COL6A6: variants seen among roughly 807,000 people sequenced by gnomAD.
COL6A6 encodes the protein collagen type VI alpha 6 chain, also known as collagen alpha-6(VI) chain.
COL6A6 carries 183 observed loss-of-function variants against 208.6 expected under a neutral mutation model. The observed-to-expected ratio is 0.88, with a 90% confidence interval of 0.78 to 0.99. The LOEUF (loss-of-function observed/expected upper bound fraction) is 0.99. COL6A6 is among the 50% of genes least tolerant of loss of function. The pLI is 0.00. For missense variants in COL6A6, 2,816 were observed against 2,815.2 expected, an observed-to-expected ratio of 1.00 and a Z score of -0.01; for synonymous variants, 973 against 1,011.8, an observed-to-expected ratio of 0.96 and a Z score of 0.73.
chr3:130,641,787 C>T (rs2065318960), intron 29 of COL6A6, 73 bp downstream of exon 29: 7 of 879,298 alleles, frequency 8.0e-6, no homozygotes, highest in Non-Finnish European at 1.8e-6. Context: ...ATGAAATCTT[C>T]ATTGTCCAAA....
chr3:130,545,226 A>G (rs925988285), intron 1 of COL6A6, among the ~76,000 whole-genome samples: 1 of 152,184 alleles, frequency 6.6e-6, no homozygotes. Context: ...GTCCAGTTTC[A>G]TTCTTTTGCA....
At chr3:130,643,220 C>A (rs745378322) in intron 31 of COL6A6, among the ~76,000 whole-genome samples, 197 bp downstream of exon 31, 2 of 152,160 alleles carry the variant, frequency 1.3e-5, no homozygotes, top group African/African-American at 4.8e-5. Flanking sequence ...AAACCCATGT[C>A]AAGCAGTAAG....
chr3:130,635,388 A>G (rs1294531828), intron 27 of COL6A6, among the ~76,000 whole-genome samples: 1 of 152,220 alleles, frequency 6.6e-6, no homozygotes, highest in Non-Finnish European at 1.5e-5. Flanking sequence ...CACTTTTTCT[A>G]GAAACCCTTA....
intron 28 of COL6A6, among the ~76,000 whole-genome samples, chr3:130,637,217 CAG>C (rs987069102): frequency 7.3e-6 from 1 of 136,586 alleles, no homozygotes; most frequent in Non-Finnish European, 1.6e-5. Flanking sequence ...AAGATGAAGA[CAG>C]ATATAATTAG....
chr3:130,611,557 A>G (rs2064360548), intron 23 of COL6A6, among the ~76,000 whole-genome samples: 1 of 152,216 alleles, frequency 6.6e-6, no homozygotes, highest in African/African-American at 2.4e-5. Flanking sequence ...CCTGGCACAT[A>G]GTAGAGCTCA....
intron 36 of COL6A6, among the ~76,000 whole-genome samples, chr3:130,671,489 A>T (rs971597923): frequency 1.3e-5 from 2 of 152,198 alleles, no homozygotes; most frequent in South Asian, 4.1e-4. Context: ...TGAAATCCAT[A>T]CCACTGTCTG....
chr3:130,590,654 G>A (rs1411788662), intron 12 of COL6A6, among the ~76,000 whole-genome samples: 1 of 151,660 alleles, frequency 6.6e-6, no homozygotes. Context: ...TGCAAGCTCC[G>A]CCTCCCGGGT....
chr3:130,552,991 T>C (rs957267278), intron 1 of COL6A6, among the ~76,000 whole-genome samples: 1 of 152,244 alleles, frequency 6.6e-6, no homozygotes, highest in African/African-American at 2.4e-5. Context: ...TTCTGGTTTG[T>C]AGGGTTTCTG....
chr3:130,557,191 T>A (rs56206343), intron 1 of COL6A6, among the ~76,000 whole-genome samples: 4,952 of 152,160 alleles, frequency 0.033, 115 homozygotes, highest in Non-Finnish European at 0.053. Flanking sequence ...CACAGGAGAG[T>A]ATCATTTTAT....
chr3:130,576,633 G>T (rs1419189443), intron 8 of COL6A6, among the ~76,000 whole-genome samples: 1 of 149,694 alleles, frequency 6.7e-6, no homozygotes, highest in Non-Finnish European at 1.5e-5. Flanking sequence ...CTCCAAGTAA[G>T]TAATGAGTTA....
At chr3:130,635,348 T>G (rs2065080403) in intron 27 of COL6A6, among the ~76,000 whole-genome samples, 1 of 152,260 alleles carries the variant, frequency 6.6e-6, no homozygotes, top group African/African-American at 2.4e-5. Flanking sequence ...GATAACTAGT[T>G]AGCAATGACA....
At chr3:130,564,168 G>A (rs1023191182) in intron 3 of COL6A6, among the ~76,000 whole-genome samples, 1 of 152,244 alleles carries the variant, frequency 6.6e-6, no homozygotes, top group Non-Finnish European at 1.5e-5. Flanking sequence ...GGGCCAGGCT[G>A]TGACTTAAAG....
At chr3:130,518,819 G>A (rs1027723347) in intron 1 of COL6A6, among the ~76,000 whole-genome samples, 2 of 152,076 alleles carry the variant, frequency 1.3e-5, no homozygotes, top group African/African-American at 2.4e-5. Context: ...AATATTAGAA[G>A]TGCAGAGGAG....
intron 1 of COL6A6, among the ~76,000 whole-genome samples, chr3:130,548,451 A>T (rs1320027123): frequency 6.6e-6 from 1 of 152,206 alleles, no homozygotes; most frequent in African/African-American, 2.4e-5. Context: ...CTTCTCCCAC[A>T]TGCAAATCTA....
At position 130,563,070 on chromosome 3, in the gene COL6A6, C is replaced by T. The variant is rs928418619; in HGVS notation, c.67C>T (p.Pro23Ser). Residue 23 changes from proline (P) to serine (S), a missense_variant and splice_region_variant, in exon 3 of 37, where the codon CCT (proline) becomes TCT (serine). Coordinates refer to ENST00000358511, the MANE Select transcript of COL6A6 (RefSeq NM_001102608.3). Reference protein sequence around the residue: ...SHISVNQDSGPEYADVVFLVD... With the variant: ...SHISVNQDSGSEYADVVFLVD... ...TTCATATGTTTGTGGTTTTGCAGGC[C>T]CTGAGTATGCAGATGTTGTGTTTTT... 1.2e-6 allele frequency: 2 copies of T among 1,602,958 alleles called. No homozygotes were observed. The highest frequency in any genetic ancestry group is 2.7e-5 in the African/African-American group (2 of 74,676).
intron 3 of COL6A6, 115 bp downstream of exon 3, chr3:130,563,779 G>C (rs1390100564): frequency 1.4e-6 from 1 of 692,020 alleles, no homozygotes; most frequent in African/African-American, 1.8e-5. Context: ...TGCATTTTCA[G>C]ATGTTATGTA....
chr3:130,663,084 C>A (rs1014213957), intron 35 of COL6A6, among the ~76,000 whole-genome samples: 1 of 152,140 alleles, frequency 6.6e-6, no homozygotes, highest in African/African-American at 2.4e-5. Flanking sequence ...AACACACAGG[C>A]AAAAGAGTAC....
Position 130,571,195 on chromosome 3 carries a change from G to T in COL6A6, c.2779G>T (p.Asp927Tyr). ...CACCGATGGGGAATCCCATGATGCT[G>T]ATAAACTCAATGCCACGGCAAAGGC... ...VITDGESHDADKLNATAKALR... is the reference protein window; with the variant it reads ...VITDGESHDAYKLNATAKALR... Residue 927 changes from aspartate (D) to tyrosine (Y), a missense_variant, in exon 7 of 37, where the codon GAT becomes TAT. Physicochemically the swap from Asp to Tyr is radical, Grantham distance 160 (BLOSUM62 -3). Transcript: ENST00000358511. 5 of 1,613,676 alleles carry T rather than the reference G, an allele frequency of 3.1e-6. No individual in the cohort carries two copies. Among genetic ancestry groups the T allele is most frequent in the Non-Finnish European group, 4.2e-6 (5 of 1,179,730 alleles).
At chr3:130,568,661 C>T in intron 6 of COL6A6, 57 bp downstream of exon 6, 2 of 1,400,714 alleles carry the variant, frequency 1.4e-6, no homozygotes, top group South Asian at 1.4e-5. Flanking sequence ...TCTTTTTTAG[C>T]CTCTATTTCT....
Sources: gnomAD v4.1 joint callset for allele counts (sites outside exome capture counted in the v4.1 genomes callset) on GRCh38, gnomAD v4.1.1 for gene constraint, MANE v1.5 for transcripts, NCBI Gene and HGNC (gene_info 2026-07-23, HGNC 2026-07-21) for gene names.